CCT6B: variants seen among roughly 807,000 people sequenced by gnomAD.
CCT6B encodes the protein probable T-complex protein 1 subunit zeta-2.
Under a neutral mutation model 61.5 loss-of-function variants are expected in CCT6B, and 49 were observed. That is an observed-to-expected ratio of 0.80 (90% CI 0.63 to 1.01). The LOEUF (loss-of-function observed/expected upper bound fraction) is 1.01. Ranked by LOEUF, CCT6B falls within the 50% of genes least tolerant of loss-of-function variation. CCT6B has a pLI of 0.00. For missense variants in CCT6B, 666 were observed against 634.7 expected, an observed-to-expected ratio of 1.05 and a Z score of -0.53; for synonymous variants, 228 against 214.5, an observed-to-expected ratio of 1.06 and a Z score of -0.55.
At chr17:34,945,917 T>TA in intron 5 of CCT6B, among the ~76,000 whole-genome samples, 1 of 152,316 alleles carries the variant, frequency 6.6e-6, no homozygotes, top group Admixed American at 6.5e-5. Flanking sequence ...TCTTTTATCT[T>TA]AAAGTCATTT....
chr17:34,942,936 G>C, intron 5 of CCT6B, 30 bp from the exon 6 acceptor site: 1 of 1,217,328 alleles, frequency 8.2e-7, no homozygotes, highest in Non-Finnish European at 1.2e-6. Flanking sequence ...TTCTTACTTT[G>C]AATATATACT....
intron 1 of CCT6B, among the ~76,000 whole-genome samples, chr17:34,960,872 T>C (rs1444192552): frequency 6.6e-6 from 1 of 152,224 alleles, no homozygotes; most frequent in African/African-American, 2.4e-5. Flanking sequence ...GCCTGTGTCC[T>C]CTCCACTACA....
At chr17:34,939,938 T>C (rs1174398335) in intron 8 of CCT6B, among the ~76,000 whole-genome samples, 1 of 152,204 alleles carries the variant, frequency 6.6e-6, no homozygotes, top group African/African-American at 2.4e-5. Context: ...AACATACATA[T>C]TGCCTATGTG....
At position 34,961,414 on chromosome 17, in the gene CCT6B, G is replaced by GAA. The variant is rs368850951; in HGVS notation, c.-23_-22dup. The GAA allele has an allele frequency of 9.7e-6, 12 of 1,233,496 alleles. No homozygotes were observed. Among genetic ancestry groups the GAA allele is most frequent in the South Asian group, 3.0e-5 (2 of 67,490 alleles). The allele number at this position is 1,233,496 out of a possible 1,614,324, so 76.4% of individuals were successfully genotyped here. On this transcript the variant is annotated 5_prime_UTR_variant, in exon 1 of 14. Transcript: ENST00000314144. ...GCCATAGCCTAACCGTTCAGAGGGA[G>GAA]AAAAAAAAAAAGCCTTAGTCGCGAT... is the stretch of plus-strand genomic sequence containing the variant.
chr17:34,944,865 G>A (rs2090205903), intron 5 of CCT6B, among the ~76,000 whole-genome samples: 1 of 152,262 alleles, frequency 6.6e-6, no homozygotes, highest in Non-Finnish European at 1.5e-5. Flanking sequence ...GGCAGAGCTT[G>A]CAGTGAGCCG....
chr17:34,940,548 TTTC>T lies in CCT6B; in HGVS notation c.956_958del (p.Arg319del), dbSNP rs563468247. 2.8e-3 allele frequency: 4,315 copies of T among 1,562,576 alleles called. 13 individuals are homozygous for T. Among genetic ancestry groups the T allele is most frequent in the Non-Finnish European group, 2.8e-3 (3,187 of 1,146,518 alleles). ...TTATCTGCAAGCTTACCTTTCCATA[TTTC>T]TTCTTTTTGCTCTGCGAAGAGCTAC... On this transcript the variant is annotated inframe_deletion, in exon 8 of 14. Coordinates refer to ENST00000314144, the MANE Select transcript of CCT6B (RefSeq NM_006584.4).
chr17:34,954,418 T>C lies in CCT6B; in HGVS notation c.510+8A>G. On this transcript the variant is annotated splice_region_variant and intron_variant, in intron 4 of 13. Transcript: ENST00000314144. Reference sequence around the variant, plus strand: ...ATTTGTTCTGAATGCAAAAGTTTAATAACATACCTCTGTTAAGACATCAGC... The same window carrying C: ...ATTTGTTCTGAATGCAAAAGTTTAACAACATACCTCTGTTAAGACATCAGC... 2 of 1,588,846 alleles carry C rather than the reference T, an allele frequency of 1.3e-6. No individual in the cohort carries two copies. Among genetic ancestry groups the C allele is most frequent in the African/African-American group, 1.4e-5 (1 of 73,416 alleles).
At chr17:34,936,983 T>C (rs980635967) in intron 10 of CCT6B, among the ~76,000 whole-genome samples, 2 of 151,996 alleles carry the variant, frequency 1.3e-5, no homozygotes, top group African/African-American at 4.8e-5. Flanking sequence ...TAATGAGACG[T>C]TGTCTCTACA....
intron 7 of CCT6B, 100 bp from the exon 8 acceptor site, chr17:34,940,721 G>T: frequency 2.0e-6 from 1 of 497,692 alleles, no homozygotes; most frequent in Non-Finnish European, 3.5e-6. Flanking sequence ...AAATGATTAA[G>T]CACCCAAAAA....
At chr17:34,960,520 CAG>C (rs2090400183) in intron 1 of CCT6B, among the ~76,000 whole-genome samples, 1 of 152,194 alleles carries the variant, frequency 6.6e-6, no homozygotes, top group Non-Finnish European at 1.5e-5. Flanking sequence ...TCCCTTTCTT[CAG>C]CATAATTATA....
chr17:34,936,520 CTT>C (rs1233816062), intron 10 of CCT6B, among the ~76,000 whole-genome samples: 5 of 152,116 alleles, frequency 3.3e-5, no homozygotes, highest in African/African-American at 4.8e-5. Flanking sequence ...AATGTAATCA[CTT>C]ATATAGATAA....
intron 5 of CCT6B, chr17:34,943,524 T>C (rs141889153): frequency 2.0e-5 from 3 of 152,216 alleles, no homozygotes; most frequent in Non-Finnish European, 2.9e-5. Flanking sequence ...CTGATAAGCA[T>C]AGAATGACAA....
intron 5 of CCT6B, among the ~76,000 whole-genome samples, chr17:34,950,715 G>A (rs769352924): frequency 5.9e-5 from 9 of 152,160 alleles, no homozygotes; most frequent in Non-Finnish European, 1.2e-4. Flanking sequence ...TGGATCACAA[G>A]GTGAGGAGTT....
chr17:34,957,220 C>T (rs1437618761), intron 3 of CCT6B, among the ~76,000 whole-genome samples: 1 of 146,600 alleles, frequency 6.8e-6, no homozygotes, highest in African/African-American at 2.5e-5. Context: ...TCTTGGCTCA[C>T]TGCAATCTCC....
Position 34,958,543 on chromosome 17 carries a change from C to T in CCT6B, c.336+17G>A. On this transcript the variant is annotated intron_variant, in intron 3 of 13. Transcript: ENST00000314144. ...TTTGCCATTCAAAATAACATATAAA[C>T]TGTGAAATTCTAATACCTCAGAAAT... The T allele has an allele frequency of 1.4e-6, 2 of 1,461,120 alleles. No homozygotes were observed. The highest frequency in any genetic ancestry group is 1.8e-6 in the Non-Finnish European group (2 of 1,094,052). 90.5% of individuals were successfully genotyped at this position (1,461,120 alleles called of 1,614,324 possible). A position where few individuals can be genotyped will look rare whatever the true frequency, so the allele number is the denominator to read the frequency against.
chr17:34,932,473 A>G lies in CCT6B; in HGVS notation c.1241T>C (p.Ile414Thr), dbSNP rs2090046999. ...AAGAGCTTCAGCCATTGCCACTTCA[A>G]TTGCACCAGCTCCAGGAACCATACA... is the stretch of plus-strand genomic sequence containing the variant. Reference protein sequence around the residue: ...DGCMVPGAGAIEVAMAEALVT... With the variant: ...DGCMVPGAGATEVAMAEALVT... Residue 414 changes from isoleucine to threonine, a missense_variant, in exon 11 of 14, where the codon ATT becomes ACT. Transcript: ENST00000314144. 3 of 1,611,424 alleles carry G rather than the reference A, an allele frequency of 1.9e-6. No individual in the cohort carries two copies. Among genetic ancestry groups the G allele is most frequent in the Non-Finnish European group, 2.5e-6 (3 of 1,179,054 alleles).
chr17:34,946,912 G>A (rs2090230503), intron 5 of CCT6B, among the ~76,000 whole-genome samples: 1 of 152,142 alleles, frequency 6.6e-6, no homozygotes, highest in Admixed American at 6.5e-5. Context: ...CAAAAGAGGG[G>A]CTTTTAAGGT....
chr17:34,942,243 GTA>G (rs2090171986), intron 7 of CCT6B, among the ~76,000 whole-genome samples: 1 of 151,506 alleles, frequency 6.6e-6, no homozygotes, highest in South Asian at 2.1e-4. Context: ...ATGACTACTA[GTA>G]TAGTTTGGTG....
At chr17:34,936,311 C>A (rs1402076789) in intron 10 of CCT6B, among the ~76,000 whole-genome samples, 2 of 152,090 alleles carry the variant, frequency 1.3e-5, no homozygotes, top group African/African-American at 4.8e-5. Context: ...ACTTCCTCAA[C>A]CTGATAAAAA....
Sources: gnomAD v4.1 joint callset for allele counts (sites outside exome capture counted in the v4.1 genomes callset) on GRCh38, gnomAD v4.1.1 for gene constraint, MANE v1.5 for transcripts, NCBI Gene and HGNC (gene_info 2026-07-23, HGNC 2026-07-21) for gene names.